The following DBR1 variants were observed in gnomAD, a reference collection of about 807,000 sequenced individuals.
DBR1 encodes debranching RNA lariats 1.
A neutral mutation model predicts 45.9 loss-of-function variants in DBR1; 33 were observed. The ratio of observed to expected loss-of-function variants is 0.72; its 90% CI spans 0.55 to 0.96. DBR1 has a LOEUF of 0.96. DBR1 is among the 40% of genes least tolerant of loss of function. DBR1 has a pLI of 0.00. For synonymous variants in DBR1, 235 were observed against 235.9 expected (o/e 1.00, Z 0.04); for missense variants, 619 against 667.4 (o/e 0.93, Z 0.80).
chr3:138,162,163 G>A lies in DBR1; in HGVS notation c.1361C>T (p.Pro454Leu). The change falls in exon 8 of 8, where the codon CCT (proline) becomes CTT (leucine). Residue 454 changes from proline to leucine, a missense_variant. Physicochemically the swap from Pro to Leu is moderately conservative, Grantham distance 98. Around this residue, in one of 3 missense-constraint regions of DBR1, gnomAD observed 182 missense variants for 196.1 expected, o/e 0.93. Coordinates refer to ENST00000260803, the MANE Select transcript of DBR1 (RefSeq NM_016216.4). ...HSGMNTPSVE[P>L]SDQASEFSAS... ...AGAAAACTCAGAAGCTTGATCAGAA[G>A]GTTCTACCGATGGTGTATTCATGCC... 2 of 1,614,156 alleles carry A rather than the reference G, an allele frequency of 1.2e-6. No homozygotes were observed.
chr3:138,171,676 G>C lies in DBR1; in HGVS notation c.360C>G (p.Ile120Met), dbSNP rs150586900. ...ATTTAAAGATACCAGAGATTCCACC[G>C]ATCCTTACACCTCGGTATTTTACCA... ...AGVVKYRGVR[I>M]GGISGIFKSH... Residue 120 changes from isoleucine (I) to methionine (M), a missense_variant, in exon 3 of 8, where the codon ATC becomes ATG. Around this residue, in one of 3 missense-constraint regions of DBR1, gnomAD observed 430 missense variants for 447.7 expected, o/e 0.96. Transcript: ENST00000260803. 5.6e-6 allele frequency: 9 copies of C among 1,613,220 alleles called. No individual in the cohort carries two copies. Among genetic ancestry groups the C allele is most frequent in the Non-Finnish European group, 7.6e-6 (9 of 1,179,570 alleles).
chr3:138,161,922 A>C lies in DBR1; in HGVS notation c.1602T>G (p.Ala534=). 2.5e-6 allele frequency: 4 copies of C among 1,613,870 alleles called. No homozygotes were observed. Among genetic ancestry groups the C allele is most frequent in the Non-Finnish European group, 3.4e-6 (4 of 1,179,736 alleles). Residue 534 remains alanine (A), a synonymous_variant, in exon 8 of 8, where the codon GCT becomes GCG. Coordinates refer to ENST00000260803, the MANE Select transcript of DBR1 (RefSeq NM_016216.4). ...CATCGTCATCATCATCATCCACTGC[A>C]GCGTAAATGGCTTGATTCCTCCTCT... The part of the protein sequence containing the change: ...KIKRRNQAIY[A]AVDDDDDDAA
At chr3:138,162,698 C>T (rs2042913722) in intron 7 of DBR1, 116 bp from the exon 8 acceptor site, 1 of 925,912 alleles carries the variant, frequency 1.1e-6, no homozygotes, top group Non-Finnish European at 1.6e-6. Flanking sequence ...TATCAAAATT[C>T]CATTTTTAAA....
chr3:138,173,791 C>G (rs1559884740), intron 1 of DBR1, among the ~76,000 whole-genome samples, 165 bp from the exon 2 acceptor site: 1 of 152,068 alleles, frequency 6.6e-6, no homozygotes, highest in African/African-American at 2.4e-5. Flanking sequence ...AATCCCAGCA[C>G]TTTTGATGGC....
At position 138,163,833 on chromosome 3, in the gene DBR1, C is replaced by T. The variant is rs754886465; in HGVS notation, c.740G>A (p.Arg247Lys). The T allele has an allele frequency of 6.2e-7, 1 of 1,612,882 alleles. No individual in the cohort carries two copies. Among genetic ancestry groups the T allele is most frequent in the South Asian group, 1.1e-5 (1 of 91,012 alleles). The change falls in exon 6 of 8, where the codon AGA becomes AAA. Residue 247 changes from arginine (R) to lysine (K), a missense_variant. This residue lies in a region of DBR1 where 430 missense variants were observed against 447.7 expected (regional missense o/e 0.96). Transcript: ENST00000260803. ...HQAKDKGQTA[R>K]ATKFLALDKC... ...GTCCAAGGCTAAAAATTTGGTTGCTCTGGCTGTCTGTCCTTTATCCTTTGC... is the reference window on the plus strand; with the variant it reads ...GTCCAAGGCTAAAAATTTGGTTGCTTTGGCTGTCTGTCCTTTATCCTTTGC...
At chr3:138,166,227 A>G (rs899082308) in intron 5 of DBR1, among the ~76,000 whole-genome samples, 1 of 152,234 alleles carries the variant, frequency 6.6e-6, no homozygotes, top group East Asian at 1.9e-4. Context: ...TGGGAAAGTC[A>G]GAGTTCAGCC....
intron 3 of DBR1, among the ~76,000 whole-genome samples, chr3:138,170,454 A>G (rs2042949120): frequency 6.6e-6 from 1 of 152,210 alleles, no homozygotes; most frequent in African/African-American, 2.4e-5. Context: ...ACTAGAGACT[A>G]GTTCCTTATG....
rs536056813 is a variant in DBR1 at position 138,163,619 on chromosome 3, C to T, written c.796-125G>A. ...TAATTTCAATTATTTAATTTTAAAT[C>T]AATCCATTTAATTTTAAATTAATAA... On this transcript the variant is annotated intron_variant, in intron 6 of 7. Transcript: ENST00000260803. The T allele has an allele frequency of 9.8e-6, 7 of 716,868 alleles. No individual in the cohort carries two copies. In the South Asian group the frequency reaches 4.5e-4, roughly 46 times the overall value. The allele number at this position is 716,868 out of a possible 1,614,324, so 44.4% of individuals were successfully genotyped here. A position where few individuals can be genotyped will look rare whatever the true frequency, so the allele number is the denominator to read the frequency against.
intron 5 of DBR1, among the ~76,000 whole-genome samples, chr3:138,165,227 A>G (rs1252787003): frequency 6.6e-6 from 1 of 152,184 alleles, no homozygotes; most frequent in East Asian, 1.9e-4. Flanking sequence ...AGTTCTGGTG[A>G]GGTACAAGTT....
intron 4 of DBR1, among the ~76,000 whole-genome samples, chr3:138,169,737 G>T (rs2042946124): frequency 1.3e-5 from 2 of 152,100 alleles, no homozygotes; most frequent in South Asian, 4.1e-4. Flanking sequence ...TTTGAGACCA[G>T]CCTGGCAAAC....
Position 138,167,181 on chromosome 3 carries a change from A to C in DBR1, c.614T>G (p.Leu205Ter), listed in dbSNP as rs2042934095. ...AAGCTCTGAGGCAGCTGGACTTCCTAATGTGTTATTTTCCACTTCTTGTCG... is the reference window on the plus strand; with the variant it reads ...AAGCTCTGAGGCAGCTGGACTTCCTCATGTGTTATTTTCCACTTCTTGTCG... Reference protein sequence around the residue: ...FFRQEVENNTLGSPAASELLE... With the variant: ...FFRQEVENNT The change falls in exon 5 of 8, where the codon TTA becomes TGA. Residue 205 changes from leucine to a stop codon, truncating the protein, a stop_gained. Transcript: ENST00000260803. LOFTEE classifies it high-confidence loss of function. The C allele has an allele frequency of 6.2e-7, 1 of 1,614,118 alleles. No homozygotes were observed. Among genetic ancestry groups the C allele is most frequent in the South Asian group, 1.1e-5 (1 of 91,070 alleles).
chr3:138,162,553 A>T lies in DBR1; in HGVS notation c.971T>A (p.Met324Lys), dbSNP rs755716624. ...RWDYSATEEG[M>K]KEVLEKLNHD... ...ATTCAATTTTTCCAATACTTCTTTC[A>T]TACCTTCTTCTGTTGCACTATAATC... The change falls in exon 8 of 8, where the codon ATG becomes AAG. Residue 324 changes from methionine (M) to lysine (K), a missense_variant. Physicochemically the swap from Met to Lys is moderately conservative, Grantham distance 95. This residue lies in a region of DBR1 where 430 missense variants were observed against 447.7 expected (regional missense o/e 0.96). Transcript: ENST00000260803. The T allele has an allele frequency of 2.5e-5, 41 of 1,611,936 alleles. No individual in the cohort carries two copies. In the Middle Eastern group the frequency reaches 4.9e-4, roughly 19 times the overall value.
intron 6 of DBR1, 47 bp from the exon 7 acceptor site, chr3:138,163,541 G>A (rs781207589): frequency 1.9e-6 from 2 of 1,051,474 alleles, no homozygotes; most frequent in Admixed American, 2.6e-5. Context: ...ATTTGTAACA[G>A]TCTAATCACT....
chr3:138,167,260 T>C lies in DBR1; in HGVS notation c.535A>G (p.Ser179Gly). Reference sequence around the variant, plus strand: ...TTCTTATTTCCATAATGATATATACTTCTTGGCCAATCATGAGACAAGAAT... The same window carrying C: ...TTCTTATTTCCATAATGATATATACCTCTTGGCCAATCATGAGACAAGAAT... The part of the protein sequence containing the change: ...DIFLSHDWPR[S>G]IYHYGNKKQL... The change falls in exon 5 of 8, where the codon AGT (serine) becomes GGT (glycine). Residue 179 changes from serine to glycine, a missense_variant. Ser to Gly is a moderately conservative substitution (Grantham distance 56, BLOSUM62 0). Coordinates refer to ENST00000260803, the MANE Select transcript of DBR1 (RefSeq NM_016216.4). 1 of 1,611,952 alleles carries C rather than the reference T, an allele frequency of 6.2e-7. No individual in the cohort carries two copies. Among genetic ancestry groups the C allele is most frequent in the South Asian group, 1.1e-5 (1 of 90,468 alleles).
At position 138,174,724 on chromosome 3, in the gene DBR1, C is replaced by T; in HGVS notation, c.72G>A (p.Glu24=). The change falls in exon 1 of 8, where the codon GAG becomes GAA. Residue 24 remains glutamate (E), a synonymous_variant. Coordinates refer to ENST00000260803, the MANE Select transcript of DBR1 (RefSeq NM_016216.4). ...DKIYETLALA[E]RRGPGPVDLL... ...GGTCGACAGGCCCCGGGCCGCGCCGCTCTGCCAGCGCCAGCGTCTCATAGA... is the reference window on the plus strand; with the variant it reads ...GGTCGACAGGCCCCGGGCCGCGCCGTTCTGCCAGCGCCAGCGTCTCATAGA... The T allele has an allele frequency of 6.2e-7, 1 of 1,612,774 alleles. No individual in the cohort carries two copies. Among genetic ancestry groups the T allele is most frequent in the Non-Finnish European group, 8.5e-7 (1 of 1,179,686 alleles).
intron 2 of DBR1, 85 bp from the exon 3 acceptor site, chr3:138,171,798 CCA>C: frequency 3.1e-6 from 3 of 954,526 alleles, no homozygotes; most frequent in South Asian, 1.4e-5. Context: ...AGATGGAATT[CCA>C]CACAGTTCTA....
intron 3 of DBR1, 153 bp downstream of exon 3, chr3:138,171,480 A>T: frequency 3.9e-6 from 1 of 253,592 alleles, no homozygotes; most frequent in Non-Finnish European, 7.6e-6. Flanking sequence ...TGTCTCAAAA[A>T]AAAAAAAAAA....
intron 1 of DBR1, 40 bp downstream of exon 1, chr3:138,174,559 A>ACC (rs529636945): frequency 1.3e-5 from 11 of 837,164 alleles, no homozygotes; most frequent in Non-Finnish European, 2.1e-5. Context: ...ACCCAGTCCC[A>ACC]CCCCCCCACC....
At chr3:138,174,492 G>A (rs1360892678) in intron 1 of DBR1, 107 bp downstream of exon 1, 2 of 1,169,828 alleles carry the variant, frequency 1.7e-6, no homozygotes, top group Non-Finnish European at 2.4e-6. Context: ...ACCAATTAGA[G>A]ATACAGAGAG....
Sources: allele counts gnomAD v4.1 joint callset (sites outside exome capture counted in the v4.1 genomes callset), GRCh38; gene constraint gnomAD v4.1.1; regional missense constraint gnomAD v4.1.1; transcripts MANE v1.5; gene names NCBI Gene and HGNC (gene_info 2026-07-23, HGNC 2026-07-21).